AAAS: variants seen among roughly 807,000 people sequenced by gnomAD.
AAAS encodes aladin.
Under a neutral mutation model 75.6 loss-of-function variants are expected in AAAS, and 60 were observed. The ratio of observed to expected loss-of-function variants is 0.79; its 90% CI spans 0.64 to 0.98. The LOEUF (loss-of-function observed/expected upper bound fraction) is 0.98, where lower values mean the gene tolerates loss of function less well. Among genes scored for constraint, AAAS ranks in the 50% least tolerant of loss-of-function variants. AAAS has a pLI of 0.00. For missense variants in AAAS, 658 were observed against 686.9 expected, an observed-to-expected ratio of 0.96 and a Z score of 0.47; for synonymous variants, 271 against 265.0, an observed-to-expected ratio of 1.02 and a Z score of -0.22.
intron 2 of AAAS, among the ~76,000 whole-genome samples, chr12:53,318,668 T>A (rs1205464691): frequency 6.6e-6 from 1 of 152,162 alleles, no homozygotes; most frequent in African/African-American, 2.4e-5. Flanking sequence ...AATATGATCA[T>A]TCCTTAAAGT....
chr12:53,309,354 T>C (rs1944350396), intron 8 of AAAS, 73 bp from the exon 9 acceptor site: 3 of 1,601,856 alleles, frequency 1.9e-6, no homozygotes, highest in Non-Finnish European at 2.6e-6. Context: ...GCCTCTCTAA[T>C]GTACAAAGAG....
Position 53,307,875 on chromosome 12 carries a change from A to T in AAAS, c.1386T>A (p.Pro462=). 2 of 1,614,222 alleles carry T rather than the reference A, an allele frequency of 1.2e-6. No homozygotes were observed. The highest frequency in any genetic ancestry group is 1.7e-6 in the Non-Finnish European group (2 of 1,180,034). ...TGAGCAGGGCCCCTTTGTTGAAGGA[A>T]GGATGGAAAGTGATGAGCTGGGGCT... ...GAQPQLITFH[P]SFNKGALLSV... Residue 462 remains proline, a synonymous_variant, in exon 15 of 16, where the codon CCT becomes CCA. Coordinates refer to ENST00000209873, the MANE Select transcript of AAAS (RefSeq NM_015665.6).
At chr12:53,318,896 G>A (rs917586197) in intron 2 of AAAS, among the ~76,000 whole-genome samples, 1 of 152,202 alleles carries the variant, frequency 6.6e-6, no homozygotes, top group African/African-American at 2.4e-5. Flanking sequence ...AGCAGCCACA[G>A]AAGTAGGAGA....
intron 2 of AAAS, among the ~76,000 whole-genome samples, chr12:53,316,076 G>A (rs565862161): frequency 6.6e-6 from 1 of 152,198 alleles, no homozygotes; most frequent in Non-Finnish European, 1.5e-5. Flanking sequence ...GCCATGGAAG[G>A]GTTCTAAGGA....
At chr12:53,319,248 C>G (rs1433937322) in intron 2 of AAAS, among the ~76,000 whole-genome samples, 2 of 151,538 alleles carry the variant, frequency 1.3e-5, no homozygotes, top group African/African-American at 4.9e-5. Flanking sequence ...ACTGCACTGG[C>G]ACAATCTTGG....
intron 7 of AAAS, among the ~76,000 whole-genome samples, chr12:53,313,810 T>C (rs762656506): frequency 6.6e-5 from 10 of 152,018 alleles, no homozygotes; most frequent in Non-Finnish European, 1.3e-4. Context: ...GGTTTTGCTA[T>C]GTTGGCCAGG....
Position 53,319,112 on chromosome 12 carries a change from C to A in AAAS, c.251+1453G>T, listed in dbSNP as rs59542040. ...CTATTTGGAACAGCTCACAAAATTA[C>A]AGATGAACATACCCTCTGAGCCAGC... On this transcript the variant is annotated intron_variant, in intron 2 of 15. Coordinates refer to ENST00000209873, the MANE Select transcript of AAAS (RefSeq NM_015665.6). Among the ~76,000 whole-genome samples, 1,284 of 152,216 alleles carry A rather than the reference C, an allele frequency of 8.4e-3. 22 individuals are homozygous for A. The highest frequency in any genetic ancestry group is 0.032 in the South Asian group (153 of 4,824).
In AAAS at chr12:53,307,653, G is replaced by T. The variant is rs772554303; in HGVS notation, c.1477C>A (p.Arg493Ser). The T allele has an allele frequency of 1.2e-6, 2 of 1,614,072 alleles. No homozygotes were observed. The highest frequency in any genetic ancestry group is 2.2e-5 in the South Asian group (2 of 91,090). The change falls in exon 16 of 16, where the codon CGT (arginine) becomes AGT (serine). Residue 493 changes from arginine to serine, a missense_variant. Coordinates refer to ENST00000209873, the MANE Select transcript of AAAS (RefSeq NM_015665.6). ...GCCCGCCCAAGCACTGGGCTAAAACGTGGAAACTGGGCATTGACAAAGTAC... is the reference window on the plus strand; with the variant it reads ...GCCCGCCCAAGCACTGGGCTAAAACTTGGAAACTGGGCATTGACAAAGTAC... ...PLYFVNAQFP[R>S]FSPVLGRAQE... is the part of the protein sequence containing the mutation.
At chr12:53,312,123 G>T (rs1201424490) in intron 7 of AAAS, among the ~76,000 whole-genome samples, 2 of 149,800 alleles carry the variant, frequency 1.3e-5, no homozygotes, top group African/African-American at 4.9e-5. Context: ...GTCAAGAGGA[G>T]AATCACTTGA....
intron 7 of AAAS, 160 bp from the exon 8 acceptor site, chr12:53,309,881 A>T (rs925337545): frequency 4.2e-6 from 5 of 1,187,530 alleles, no homozygotes; most frequent in Non-Finnish European, 6.0e-6. Context: ...AGTTAAAAGA[A>T]AAAAACAGCG....
intron 7 of AAAS, among the ~76,000 whole-genome samples, chr12:53,311,079 A>G (rs1446925445): frequency 6.6e-6 from 1 of 152,044 alleles, no homozygotes; most frequent in Non-Finnish European, 1.5e-5. Context: ...AGTAGCTAGG[A>G]CTACAGGCGT....
intron 13 of AAAS, 65 bp downstream of exon 13, chr12:53,308,217 G>A (rs1469543981): frequency 6.2e-7 from 1 of 1,609,440 alleles, no homozygotes; most frequent in East Asian, 2.2e-5. Flanking sequence ...CCAGGCCAGG[G>A]CACGGCCTCA....
chr12:53,313,813 T>C (rs1412941449), intron 7 of AAAS, among the ~76,000 whole-genome samples: 3 of 151,978 alleles, frequency 2.0e-5, no homozygotes, highest in African/African-American at 7.3e-5. Context: ...TTTGCTATGT[T>C]GGCCAGGCTG....
In AAAS at chr12:53,320,709, A is replaced by AG. The variant is rs1476913334; in HGVS notation, c.124-18dup. 5 of 1,613,616 alleles carry AG rather than the reference A, an allele frequency of 3.1e-6. No individual in the cohort carries two copies. The highest frequency in any genetic ancestry group is 4.2e-6 in the Non-Finnish European group (5 of 1,179,704). ...ATTGATCCACTATAGCACAAAAGTG[A>AG]GGAGTGTGACGGTGATTCAGTCTCT... On this transcript the variant is annotated splice_polypyrimidine_tract_variant and intron_variant, in intron 1 of 15. Coordinates refer to ENST00000209873, the MANE Select transcript of AAAS (RefSeq NM_015665.6).
chr12:53,308,849 T>C (rs779774298), intron 10 of AAAS, 34 bp from the exon 11 acceptor site: 24 of 1,613,512 alleles, frequency 1.5e-5, no homozygotes, highest in Non-Finnish European at 1.8e-5. Context: ...GGAGAAGGTA[T>C]GTCTATAGTA....
chr12:53,308,907 G>A (rs1039325300), intron 10 of AAAS, 53 bp downstream of exon 10: 1 of 1,613,008 alleles, frequency 6.2e-7, no homozygotes, highest in Non-Finnish European at 8.5e-7. Flanking sequence ...AGCATCAGGG[G>A]CCCATTGGAA....
At chr12:53,310,109 G>A (rs995987057) in intron 7 of AAAS, among the ~76,000 whole-genome samples, 3 of 152,162 alleles carry the variant, frequency 2.0e-5, no homozygotes, top group Non-Finnish European at 4.4e-5. Context: ...CATCTATCCA[G>A]GATTAATAAT....
intron 8 of AAAS, 143 bp downstream of exon 8, chr12:53,309,458 T>G (rs1944351934): frequency 6.5e-7 from 1 of 1,532,146 alleles, no homozygotes; most frequent in African/African-American, 1.4e-5. Context: ...ACCTCACGAG[T>G]CTGATGGCAA....
intron 8 of AAAS, 73 bp downstream of exon 8, chr12:53,309,528 G>A (rs1944352748): frequency 1.9e-6 from 3 of 1,609,912 alleles, no homozygotes; most frequent in Non-Finnish European, 2.5e-6. Context: ...CTTCCCCCAA[G>A]ATGTTTCCAC....
Sources: gnomAD v4.1 joint callset for allele counts (sites outside exome capture counted in the v4.1 genomes callset) on GRCh38, gnomAD v4.1.1 for gene constraint, MANE v1.5 for transcripts, NCBI Gene and HGNC (gene_info 2026-07-23, HGNC 2026-07-21) for gene names.